Variants in FOXP2 observed in about 807,000 individuals in gnomAD.
FOXP2 encodes the protein forkhead box P2, also known as forkhead box protein P2.
Under a neutral mutation model 115.8 loss-of-function variants are expected in FOXP2, and 12 were observed. The observed-to-expected ratio is 0.10, with a 90% CI of 0.07 to 0.17. The LOEUF (loss-of-function observed/expected upper bound fraction) is 0.17, where lower values mean the gene tolerates loss of function less well. FOXP2 is among the 10% of genes least tolerant of loss of function. The pLI is 1.00. For synonymous variants in FOXP2, 328 were observed against 297.7 expected (o/e 1.10, Z -1.05); for missense variants, 629 against 843.5 (o/e 0.75, Z 3.15).
intron 2 of FOXP2, among the ~76,000 whole-genome samples, chr7:114,323,978 A>G (rs1343487487): frequency 1.3e-5 from 2 of 151,880 alleles, no homozygotes; most frequent in East Asian, 3.9e-4. Context: ...GTCAATCCAT[A>G]TGCCTATCAA....
intron 2 of FOXP2, among the ~76,000 whole-genome samples, chr7:114,427,968 A>G (rs1362988386): frequency 6.6e-6 from 1 of 151,712 alleles, no homozygotes; most frequent in South Asian, 2.1e-4. Flanking sequence ...CATAGGAATT[A>G]TATGCCTACC....
chr7:114,153,869 A>G (rs926864374), intron 1 of FOXP2, among the ~76,000 whole-genome samples: 6 of 152,168 alleles, frequency 3.9e-5, no homozygotes, highest in African/African-American at 1.4e-4. Flanking sequence ...ACCTTGATGT[A>G]AAGCTTAAGA....
intron 1 of FOXP2, among the ~76,000 whole-genome samples, chr7:114,256,656 G>A (rs921027167): frequency 2.0e-5 from 3 of 152,154 alleles, no homozygotes; most frequent in African/African-American, 7.2e-5. Flanking sequence ...TGGGTTAGCT[G>A]TTCACTCTGA....
At chr7:114,599,074 G>A (rs1036929646) in intron 3 of FOXP2, among the ~76,000 whole-genome samples, 10 of 151,954 alleles carry the variant, frequency 6.6e-5, no homozygotes, top group African/African-American at 2.4e-4. Context: ...TTTTATCCTC[G>A]ACTTTATTGT....
At chr7:114,526,457 C>T (rs1336937718) in intron 2 of FOXP2, among the ~76,000 whole-genome samples, 1 of 140,844 alleles carries the variant, frequency 7.1e-6, no homozygotes, top group Non-Finnish European at 1.5e-5. Context: ...GTCTGGGCGA[C>T]AGGGTGAGAC....
chr7:114,372,482 A>G (rs1483806868), intron 2 of FOXP2, among the ~76,000 whole-genome samples: 1 of 152,182 alleles, frequency 6.6e-6, no homozygotes, highest in Non-Finnish European at 1.5e-5. Flanking sequence ...GAGGATGTGC[A>G]TTTTAAAATA....
chr7:114,305,124 T>A (rs1007866720), intron 2 of FOXP2, among the ~76,000 whole-genome samples: 1 of 152,192 alleles, frequency 6.6e-6, no homozygotes, highest in Admixed American at 6.5e-5. Context: ...GTTTGTAAGA[T>A]GTTTAATTAC....
In FOXP2 at chr7:114,584,540, CTGTT is replaced by C. The variant is rs372312377; in HGVS notation, c.259-43996_259-43993del. On this transcript the variant is annotated intron_variant, in intron 3 of 16. Coordinates refer to ENST00000350908, the MANE Select transcript of FOXP2 (RefSeq NM_014491.4). ...CCTTACTTTCATTAAATTTTTTCTT[CTGTT>C]TGTCAGTCTAAACACTTACTTGACA... Among the ~76,000 whole-genome samples, 50 of 152,264 alleles carry C rather than the reference CTGTT, an allele frequency of 3.3e-4. No individual in the cohort carries two copies. In the East Asian group the frequency reaches 9.5e-3, roughly 29 times the overall value.
chr7:114,683,290 A>G (rs1808193438), intron 16 of FOXP2, among the ~76,000 whole-genome samples: 1 of 152,230 alleles, frequency 6.6e-6, no homozygotes, highest in Non-Finnish European at 1.5e-5. Context: ...TGAAGTTCAC[A>G]GTCTACTTGG....
At chr7:114,607,030 A>G (rs924214080) in intron 3 of FOXP2, among the ~76,000 whole-genome samples, 2 of 152,298 alleles carry the variant, frequency 1.3e-5, no homozygotes, top group Middle Eastern at 3.4e-3. Context: ...CTACCCTTCT[A>G]ACATCTGTGC....
intron 14 of FOXP2, 96 bp downstream of exon 14, chr7:114,662,282 A>G: frequency 6.6e-7 from 1 of 1,511,678 alleles, no homozygotes; most frequent in East Asian, 2.3e-5. Context: ...AGTTAGCTTA[A>G]TGGCATGCTA....
intron 2 of FOXP2, among the ~76,000 whole-genome samples, chr7:114,323,831 T>G (rs578200956): frequency 6.6e-6 from 1 of 152,132 alleles, no homozygotes. Context: ...TTGTCTCAAG[T>G]GGCTTCACAG....
chr7:114,192,784 T>G (rs1265521704), intron 1 of FOXP2, among the ~76,000 whole-genome samples: 1 of 152,170 alleles, frequency 6.6e-6, no homozygotes, highest in East Asian at 1.9e-4. Flanking sequence ...AGATTCTAAT[T>G]AAAAGAAAGT....
At chr7:114,168,971 C>T (rs1793059649) in intron 1 of FOXP2, among the ~76,000 whole-genome samples, 1 of 152,238 alleles carries the variant, frequency 6.6e-6, no homozygotes, top group Non-Finnish European at 1.5e-5. Flanking sequence ...GGTATTGAGC[C>T]TGCTGGTACA....
intron 1 of FOXP2, among the ~76,000 whole-genome samples, chr7:114,197,676 C>T (rs972842584): frequency 6.6e-6 from 1 of 152,030 alleles, no homozygotes; most frequent in Non-Finnish European, 1.5e-5. Flanking sequence ...AATAAAAAGA[C>T]TTTTGTGAAG....
At chr7:114,688,772 T>C (rs1808504374) in intron 16 of FOXP2, among the ~76,000 whole-genome samples, 1 of 152,152 alleles carries the variant, frequency 6.6e-6, no homozygotes, top group Non-Finnish European at 1.5e-5. Context: ...TGACAGTTGG[T>C]AAAGATATTC....
At chr7:114,366,017 A>G (rs961919956) in intron 2 of FOXP2, among the ~76,000 whole-genome samples, 1 of 152,122 alleles carries the variant, frequency 6.6e-6, no homozygotes, top group Non-Finnish European at 1.5e-5. Context: ...CATTGACAAT[A>G]CAATCATTTA....
In FOXP2 at chr7:114,304,691, A is replaced by AAAAAAGAG. The variant is rs1554365309; in HGVS notation, c.-11+16583_-11+16590dup. 2.7e-4 allele frequency among the ~76,000 whole-genome samples: 41 copies of AAAAAAGAG among 150,762 alleles called. No homozygotes were observed. The East Asian group carries it at 7.3e-3, about 27-fold the overall frequency. ...TCTCAAAAAAAAAAAAAAAAAAAAAAAAAAAGAGTGTGCATGTGGAAATTT... is the reference window on the plus strand; with the variant it reads ...TCTCAAAAAAAAAAAAAAAAAAAAAAAAAAAGAGAAAAAGAGTGTGCATGTGGAAATTT... On this transcript the variant is annotated intron_variant, in intron 2 of 17. Coordinates refer to the FOXP2 transcript ENST00000634411.
intron 1 of FOXP2, among the ~76,000 whole-genome samples, chr7:114,244,929 T>G (rs961310008): frequency 1.4e-4 from 21 of 151,950 alleles, no homozygotes; most frequent in African/African-American, 5.1e-4. Flanking sequence ...GCCCGGCTAA[T>G]TTTTTTGTAT....
Sources: gnomAD v4.1 joint callset for allele counts (sites outside exome capture counted in the v4.1 genomes callset) on GRCh38, gnomAD v4.1.1 for gene constraint, MANE v1.5 for transcripts, NCBI Gene and HGNC (gene_info 2026-07-23, HGNC 2026-07-21) for gene names.